Variants in AHR observed in about 807,000 individuals in gnomAD.
AHR encodes aryl hydrocarbon receptor, also known as AH-receptor.
A neutral mutation model predicts 86.8 loss-of-function variants in AHR; 40 were observed. That is an observed-to-expected ratio of 0.46 (90% CI 0.36 to 0.60). The LOEUF is 0.60. Among genes scored for constraint, AHR ranks in the 20% least tolerant of loss-of-function variants. The probability of loss-of-function intolerance (pLI) is 0.00; values close to 1 mark genes in which losing one functional copy is unlikely to be tolerated. For missense variants in AHR, 1,001 were observed against 1,011.6 expected (o/e 0.99, Z 0.14); for synonymous variants, 398 against 354.9 (o/e 1.12, Z -1.37).
intron 1 of AHR, among the ~76,000 whole-genome samples, chr7:17,304,127 C>G (rs528026266): frequency 3.1e-4 from 47 of 152,050 alleles, no homozygotes; most frequent in Non-Finnish European, 6.0e-4. Context: ...AAATGTATTC[C>G]TATTAAATAA....
chr7:17,314,025 C>G (rs1417468556), intron 2 of AHR, among the ~76,000 whole-genome samples: 1 of 152,070 alleles, frequency 6.6e-6, no homozygotes, highest in Non-Finnish European at 1.5e-5. Context: ...GATTTCCTTA[C>G]TATTTTTTGA....
In AHR at chr7:17,334,025, G is replaced by C. The variant is rs776119669; in HGVS notation, c.819G>C (p.Gln273His). The C allele has an allele frequency of 1.9e-6, 3 of 1,613,470 alleles. No individual in the cohort carries two copies. The highest frequency in any genetic ancestry group is 2.5e-6 in the Non-Finnish European group (3 of 1,179,522). ...LALFAIATPL[Q>H]PPSILEIRTK... ...TGTTTGCGATAGCTACTCCACTTCA[G>C]CCACCATCCATACTTGAAATCCGGA... Residue 273 changes from glutamine (Q) to histidine (H), a missense_variant, in exon 7 of 11, where the codon CAG (glutamine) becomes CAC (histidine). Gln to His is a conservative substitution (Grantham distance 24). This residue lies in a region of AHR where 394 missense variants were observed against 468.5 expected (regional missense o/e 0.84). Transcript: ENST00000242057.
Position 17,298,788 on chromosome 7 carries a change from G to C in AHR, c.-477G>C. The C allele has an allele frequency of 2.5e-6, 1 of 398,120 alleles. No individual in the cohort carries two copies. The highest frequency in any genetic ancestry group is 2.1e-5 in the African/African-American group (1 of 48,688). The allele number at this position is 398,120 out of a possible 1,614,324, so 24.7% of individuals were successfully genotyped here. Reference sequence around the variant, plus strand: ...TGGCCCGCGCCCGAGCTCCGCAGGCGGGAAGCACCCTGGATTTAGGAAGTC... The same window carrying C: ...TGGCCCGCGCCCGAGCTCCGCAGGCCGGAAGCACCCTGGATTTAGGAAGTC... On this transcript the variant is annotated 5_prime_UTR_variant, in exon 1 of 11. Coordinates refer to ENST00000242057, the MANE Select transcript of AHR (RefSeq NM_001621.5).
At chr7:17,329,244 AAAT>A (rs1782260108) in intron 4 of AHR, among the ~76,000 whole-genome samples, 1 of 151,984 alleles carries the variant, frequency 6.6e-6, no homozygotes, top group Non-Finnish European at 1.5e-5. Context: ...GGATAGAATA[AAAT>A]AATATAGAAT....
intron 2 of AHR, among the ~76,000 whole-genome samples, chr7:17,312,775 G>C (rs10486083): frequency 1.3e-5 from 2 of 151,988 alleles, no homozygotes; most frequent in Admixed American, 6.6e-5. Flanking sequence ...TATCTTTAAC[G>C]TTAGATTCTT....
intron 9 of AHR, among the ~76,000 whole-genome samples, chr7:17,336,598 A>G (rs955356497): frequency 4.6e-5 from 7 of 152,268 alleles, no homozygotes; most frequent in African/African-American, 1.7e-4. Context: ...TTTGAGTGCA[A>G]TTACCTTGAA....
intron 5 of AHR, 30 bp from the exon 6 acceptor site, chr7:17,330,726 G>T: frequency 6.6e-7 from 1 of 1,523,886 alleles, no homozygotes. Context: ...AAAATGGAAA[G>T]TAAATTTTGT....
Position 17,333,951 on chromosome 7 carries a change from C to G in AHR, c.745C>G (p.Gln249Glu), listed in dbSNP as rs1319620743. ...FQGKLKYLHG[Q>E]KKKGKDGSIL... Reference sequence around the variant, plus strand: ...AGGGAAGTTAAAGTATCTTCATGGACAGAAAAAGAAAGGGAAAGATGGATC... The same window carrying G: ...AGGGAAGTTAAAGTATCTTCATGGAGAGAAAAAGAAAGGGAAAGATGGATC... Residue 249 changes from glutamine to glutamate, a missense_variant, in exon 7 of 11, where the codon CAG (glutamine) becomes GAG (glutamate). This residue lies in a region of AHR where 394 missense variants were observed against 468.5 expected (regional missense o/e 0.84). Transcript: ENST00000242057. 1 of 1,613,186 alleles carries G rather than the reference C, an allele frequency of 6.2e-7. No individual in the cohort carries two copies. The highest frequency in any genetic ancestry group is 1.3e-5 in the African/African-American group (1 of 74,942).
In AHR at chr7:17,299,229, T is replaced by G. The variant is rs1392619526; in HGVS notation, c.-36T>G. 3.7e-6 allele frequency: 6 copies of G among 1,604,490 alleles called. No individual in the cohort carries two copies. The Admixed American group carries it at 1.0e-4, about 27-fold the overall frequency. ...CGGGTTCCGGGGACCCGGCCGCCAG[T>G]GCCCGGGGAGTAGCCGCCGCCGTCG... On this transcript the variant is annotated 5_prime_UTR_variant, in exon 1 of 11. Transcript: ENST00000242057.
At chr7:17,318,052 A>G (rs1176180306) in intron 2 of AHR, among the ~76,000 whole-genome samples, 1 of 152,184 alleles carries the variant, frequency 6.6e-6, no homozygotes, top group Non-Finnish European at 1.5e-5. Context: ...ACCCTGCCAA[A>G]GTAGTAAAGG....
Position 17,339,833 on chromosome 7 carries a change from C to G in AHR, c.2008C>G (p.Gln670Glu). ...TTTCAATTGTCCACAGCAAGACCCACAACAATATAATGTCTTTACAGACTT... is the reference window on the plus strand; with the variant it reads ...TTTCAATTGTCCACAGCAAGACCCAGAACAATATAATGTCTTTACAGACTT... ...VPFNCPQQDP[Q>E]QYNVFTDLHG... The change falls in exon 10 of 11, where the codon CAA (glutamine) becomes GAA (glutamate). Residue 670 changes from glutamine to glutamate, a missense_variant. Transcript: ENST00000242057. 6.2e-7 allele frequency: 1 copy of G among 1,614,226 alleles called. No homozygotes were observed. Among genetic ancestry groups the G allele is most frequent in the Non-Finnish European group, 8.5e-7 (1 of 1,180,034 alleles).
At position 17,345,000 on chromosome 7, in the gene AHR, A is replaced by AAT. The variant is rs1413179315; in HGVS notation, c.*1937_*1938dup. On this transcript the variant is annotated 3_prime_UTR_variant, in exon 11 of 11. Transcript: ENST00000242057. ...CATGTATTATTTGAAAATCTGATGG[A>AAT]ATCCCAAACTGAGATGTATTAAAAT... is the stretch of plus-strand genomic sequence containing the variant. The AAT allele has an allele frequency of 1.3e-5, 2 of 151,830 alleles. No homozygotes were observed. Among genetic ancestry groups the AAT allele is most frequent in the Admixed American group, 6.6e-5 (1 of 15,234 alleles). The allele number at this position is 151,830 out of a possible 1,614,324, so 9.4% of individuals were successfully genotyped here. A position where few individuals can be genotyped will look rare whatever the true frequency, so the allele number is the denominator to read the frequency against.
rs1782401392 is a variant in AHR at position 17,339,976 on chromosome 7, G to A, written c.2151G>A (p.Leu717=). The change falls in exon 10 of 11, where the codon CTG becomes CTA. Residue 717 remains leucine (L), a synonymous_variant. Transcript: ENST00000242057. ...CACAACATTCCAAATGTACAGAGCTGGACTACCCTATGGGGAGTTTTGAAC... is the reference window on the plus strand; with the variant it reads ...CACAACATTCCAAATGTACAGAGCTAGACTACCCTATGGGGAGTTTTGAAC... ...VLPQHSKCTE[L]DYPMGSFEPS... is the part of the protein sequence containing the mutation. The A allele has an allele frequency of 6.2e-7, 1 of 1,614,014 alleles. No homozygotes were observed. The highest frequency in any genetic ancestry group is 8.5e-7 in the Non-Finnish European group (1 of 1,180,030).
chr7:17,341,944 C>A (rs1344868257), intron 10 of AHR, among the ~76,000 whole-genome samples: 1 of 152,044 alleles, frequency 6.6e-6, no homozygotes, highest in African/African-American at 2.4e-5. Flanking sequence ...TTTAAACTCA[C>A]CATTATCTGG....
chr7:17,327,597 A>G (rs1004089620), intron 3 of AHR, among the ~76,000 whole-genome samples, 162 bp from the exon 4 acceptor site: 1 of 151,962 alleles, frequency 6.6e-6, no homozygotes, highest in Non-Finnish European at 1.5e-5. Context: ...AGGTATGAAT[A>G]GATATTTCTT....
chr7:17,330,991 A>G (rs1053471502), intron 6 of AHR, 105 bp downstream of exon 6: 1 of 1,237,854 alleles, frequency 8.1e-7, no homozygotes, highest in African/African-American at 1.5e-5. Context: ...CTATTCCCAA[A>G]TCAGGCAACC....
chr7:17,299,383 G>C, intron 1 of AHR, 54 bp downstream of exon 1: 2 of 1,590,372 alleles, frequency 1.3e-6, no homozygotes, highest in Non-Finnish European at 1.7e-6. Context: ...AGGCACGCGG[G>C]TGCGGGAGGC....
chr7:17,320,095 T>G (rs1175459025), intron 2 of AHR, among the ~76,000 whole-genome samples: 2 of 152,122 alleles, frequency 1.3e-5, no homozygotes, highest in Non-Finnish European at 2.9e-5. Flanking sequence ...CTTCCAACAT[T>G]TGGAATTATA....
chr7:17,325,550 G>C (rs1782219602), intron 3 of AHR, among the ~76,000 whole-genome samples: 1 of 152,192 alleles, frequency 6.6e-6, no homozygotes. Context: ...AAGTTCTTAT[G>C]GGTAGAATCA....
Sources: gnomAD v4.1 joint callset for allele counts (sites outside exome capture counted in the v4.1 genomes callset) on GRCh38, gnomAD v4.1.1 for gene constraint, gnomAD v4.1.1 regional missense constraint, MANE v1.5 for transcripts, NCBI Gene and HGNC (gene_info 2026-07-23, HGNC 2026-07-21) for gene names.